INPP5K: variants seen among roughly 807,000 people sequenced by gnomAD.
INPP5K encodes inositol polyphosphate 5-phosphatase K.
A neutral mutation model predicts 53.5 loss-of-function variants in INPP5K; 35 were observed. The ratio of observed to expected loss-of-function variants is 0.65; its 90% CI spans 0.50 to 0.87. INPP5K has a LOEUF of 0.87. Among genes scored for constraint, INPP5K ranks in the 40% least tolerant of loss-of-function variants. The pLI, the probability that INPP5K is intolerant of heterozygous loss-of-function variation, is 0.00. For synonymous variants in INPP5K, 253 were observed against 232.8 expected (o/e 1.09, Z -0.79); for missense variants, 550 against 586.2 (o/e 0.94, Z 0.64).
At chr17:1,508,836 G>A in intron 5 of INPP5K, 1 of 287,824 alleles carries the variant, frequency 3.5e-6, no homozygotes, top group Non-Finnish European at 6.6e-6. Flanking sequence ...CTCACTCGTG[G>A]GGGTCAGCGT....
intron 6 of INPP5K, among the ~76,000 whole-genome samples, 180 bp downstream of exon 6, chr17:1,507,935 C>A (rs1005430718): frequency 6.6e-6 from 1 of 152,094 alleles, no homozygotes; most frequent in Non-Finnish European, 1.5e-5. Context: ...CTGGCTTTTC[C>A]ATGTGAAGAT....
At chr17:1,496,222 C>G in intron 10 of INPP5K, 58 bp from the exon 11 acceptor site, 4 of 1,518,816 alleles carry the variant, frequency 2.6e-6, no homozygotes, top group Non-Finnish European at 3.6e-6. Flanking sequence ...CCACCCAGCT[C>G]TGAGTGACAA....
intron 9 of INPP5K, 41 bp from the exon 10 acceptor site, chr17:1,496,443 T>A (rs1215926769): frequency 6.6e-7 from 1 of 1,509,046 alleles, no homozygotes; most frequent in Admixed American, 2.0e-5. Context: ...AGGGAGGACA[T>A]GGGACCTAAG....
At chr17:1,510,959 T>C (rs938685539) in intron 3 of INPP5K, among the ~76,000 whole-genome samples, 3 of 152,076 alleles carry the variant, frequency 2.0e-5, no homozygotes, top group Admixed American at 6.6e-5. Context: ...GATGGTAACA[T>C]GGGTATATGC....
At chr17:1,500,909 T>G (rs2074994525) in intron 7 of INPP5K, among the ~76,000 whole-genome samples, 1 of 151,572 alleles carries the variant, frequency 6.6e-6, no homozygotes, top group African/African-American at 2.4e-5. Flanking sequence ...TACAGCTCCA[T>G]ATACTCGCAG....
At position 1,509,201 on chromosome 17, in the gene INPP5K, G is replaced by A. The variant is rs200783507; in HGVS notation, c.531C>T (p.Asp177=). The A allele has an allele frequency of 3.2e-5, 51 of 1,613,310 alleles. No homozygotes were observed. In the Middle Eastern group the frequency reaches 5.4e-4, roughly 17 times the overall value. ...ILEMQNCEGR[D]IPNILDHDLI... ...ACTCGTGGTCCAGGATGTTTGGGAT[G>A]TCTCGCCCCTCACAATTCTGCATCT... Residue 177 remains aspartate (D), a synonymous_variant, in exon 5 of 12, where the codon GAC becomes GAT. Coordinates refer to ENST00000421807, the MANE Select transcript of INPP5K (RefSeq NM_016532.4).
Position 1,495,037 on chromosome 17 carries a change from T to C in INPP5K, c.*786A>G, listed in dbSNP as rs1398643155. 6.6e-6 allele frequency: 1 copy of C among 152,206 alleles called. No individual in the cohort carries two copies. Among genetic ancestry groups the C allele is most frequent in the Non-Finnish European group, 1.5e-5 (1 of 68,042 alleles). The allele number at this position is 152,206 out of a possible 1,614,324, so 9.4% of individuals were successfully genotyped here. A position where few individuals can be genotyped will look rare whatever the true frequency, so the allele number is the denominator to read the frequency against. The stretch of plus-strand genomic sequence containing the variant: ...CCAAGGACCACCCTGGAAAAGTCTG[T>C]GGCCACAGCTCCTTGACCACTTGTC... On this transcript the variant is annotated 3_prime_UTR_variant, in exon 12 of 12. Transcript: ENST00000421807.
chr17:1,515,831 G>T, intron 1 of INPP5K: 1 of 870,842 alleles, frequency 1.1e-6, no homozygotes, highest in Non-Finnish European at 1.4e-6. Flanking sequence ...CCTGCTGTCC[G>T]ACAGAGGCTT....
At chr17:1,497,883 T>C in intron 8 of INPP5K, 53 bp downstream of exon 8, 3 of 1,479,990 alleles carry the variant, frequency 2.0e-6, no homozygotes, top group South Asian at 1.2e-5. Context: ...GGCTTGGGGA[T>C]GTGGCCAGCA....
chr17:1,508,832 C>T (rs1173572619), intron 5 of INPP5K: 2 of 224,432 alleles, frequency 8.9e-6, no homozygotes, highest in Admixed American at 9.9e-5. Context: ...CAGGCTCACT[C>T]GTGGGGGTCA....
At chr17:1,515,547 C>T in intron 1 of INPP5K, 1 of 985,736 alleles carries the variant, frequency 1.0e-6, no homozygotes, top group Non-Finnish European at 1.2e-6. Context: ...AGCATGAGTC[C>T]TAGGCACACG....
chr17:1,508,143 C>T lies in INPP5K; in HGVS notation c.638G>A (p.Cys213Tyr). ...GTCCTTCTCCCACAGGCCACCGTAG[C>T]ACCGATTTTTAATGGATTCCCGAAC... ...HFVRESIKNR[C>Y]YGGLWEKDQL... Residue 213 changes from cysteine to tyrosine, a missense_variant, in exon 6 of 12, where the codon TGC becomes TAC. By Grantham distance (194) the Cys-to-Tyr change is radical. Coordinates refer to ENST00000421807, the MANE Select transcript of INPP5K (RefSeq NM_016532.4). The T allele has an allele frequency of 6.2e-7, 1 of 1,614,068 alleles. No individual in the cohort carries two copies. Among genetic ancestry groups the T allele is most frequent in the Non-Finnish European group, 8.5e-7 (1 of 1,179,920 alleles).
Position 1,509,216 on chromosome 17 carries a change from A to G in INPP5K, c.516T>C (p.Asn172=). The G allele has an allele frequency of 6.2e-7, 1 of 1,613,846 alleles. No individual in the cohort carries two copies. Among genetic ancestry groups the G allele is most frequent in the Admixed American group, 1.7e-5 (1 of 60,020 alleles). ...TGTTTGGGATGTCTCGCCCCTCACAATTCTGCATCTCCAGGATCCGGTCAA... is the reference window on the plus strand; with the variant it reads ...TGTTTGGGATGTCTCGCCCCTCACAGTTCTGCATCTCCAGGATCCGGTCAA... ...EHFDRILEMQ[N]CEGRDIPNIL... is the part of the protein sequence containing the mutation. The change falls in exon 5 of 12, where the codon AAT becomes AAC. Residue 172 remains asparagine (N), a synonymous_variant. Transcript: ENST00000421807.
chr17:1,504,270 G>A (rs940200214), intron 7 of INPP5K, among the ~76,000 whole-genome samples: 14 of 152,230 alleles, frequency 9.2e-5, no homozygotes, highest in African/African-American at 2.4e-4. Flanking sequence ...CATGGCATGC[G>A]CAAGGCTGGG....
At chr17:1,511,855 A>C (rs1417480201) in intron 3 of INPP5K, among the ~76,000 whole-genome samples, 1 of 126,172 alleles carries the variant, frequency 7.9e-6, no homozygotes, top group Non-Finnish European at 1.6e-5. Flanking sequence ...GTGAAGGAGC[A>C]GCAGGGAAGT....
In INPP5K at chr17:1,509,786, C is replaced by T. The variant is rs763835790; in HGVS notation, c.275G>A (p.Arg92His). 8 of 1,607,368 alleles carry T rather than the reference C, an allele frequency of 5.0e-6. No homozygotes were observed. Among genetic ancestry groups the T allele is most frequent in the South Asian group, 4.4e-5 (4 of 90,852 alleles). Residue 92 changes from arginine (R) to histidine (H), a missense_variant, in exon 4 of 12, where the codon CGT (arginine) becomes CAT (histidine). By Grantham distance (29) the Arg-to-His change is conservative. Coordinates refer to ENST00000421807, the MANE Select transcript of INPP5K (RefSeq NM_016532.4). Reference protein sequence around the residue: ...PLSFIKVSHVRMQGILLLVFA... With the variant: ...PLSFIKVSHVHMQGILLLVFA... Reference sequence around the variant, plus strand: ...GACCAGTAAGAGGATCCCCTGCATACGGACATGGGAGACCTGCAGGAGAGA... The same window carrying T: ...GACCAGTAAGAGGATCCCCTGCATATGGACATGGGAGACCTGCAGGAGAGA...
Position 1,506,972 on chromosome 17 carries a change from C to T in INPP5K, c.776+8G>A, listed in dbSNP as rs1242402544. 3.1e-6 allele frequency: 5 copies of T among 1,603,932 alleles called. No individual in the cohort carries two copies. In the South Asian group the frequency reaches 5.5e-5, roughly 18 times the overall value. On this transcript the variant is annotated splice_region_variant and intron_variant, in intron 7 of 11. Coordinates refer to ENST00000421807, the MANE Select transcript of INPP5K (RefSeq NM_016532.4). ...CCTAGACCTTCTGGCCCCCCACTCC[C>T]TCCTCACCTGGTGTCATAGTCGTTG...
chr17:1,511,805 T>C (rs1314275810), intron 3 of INPP5K, among the ~76,000 whole-genome samples: 2 of 138,500 alleles, frequency 1.4e-5, no homozygotes. Context: ...AAAGCAGCTT[T>C]AGGCCACTGG....
intron 1 of INPP5K, chr17:1,515,428 G>T: frequency 1.0e-6 from 1 of 985,520 alleles, no homozygotes; most frequent in Non-Finnish European, 1.2e-6. Flanking sequence ...GAGACCTACA[G>T]ATGTCTTTAG....
Sources: allele counts gnomAD v4.1 joint callset (sites outside exome capture counted in the v4.1 genomes callset), GRCh38; gene constraint gnomAD v4.1.1; transcripts MANE v1.5; gene names NCBI Gene and HGNC (gene_info 2026-07-23, HGNC 2026-07-21).